Variants in YLPM1 observed in about 807,000 individuals in gnomAD.
The protein encoded by YLPM1 is YLP motif containing 1.
YLPM1 carries 99 observed loss-of-function variants against 230.0 expected under a neutral mutation model. The observed-to-expected ratio is 0.43, with a 90% CI of 0.37 to 0.51. YLPM1 has a LOEUF of 0.51. YLPM1 is among the 20% of genes least tolerant of loss of function. The probability of loss-of-function intolerance (pLI) is 0.00; values close to 1 mark genes in which losing one functional copy is unlikely to be tolerated. For synonymous variants in YLPM1, 984 were observed against 942.5 expected, an observed-to-expected ratio of 1.04 and a Z score of -0.81; for missense variants, 2,592 against 2,707.7, an observed-to-expected ratio of 0.96 and a Z score of 0.95.
chr14:74,804,908 A>G (rs2140118658), intron 6 of YLPM1, among the ~76,000 whole-genome samples: 1 of 152,280 alleles, frequency 6.6e-6, no homozygotes, highest in African/African-American at 2.4e-5. Flanking sequence ...AATTTATTGA[A>G]TTAATTCAAT....
Position 74,835,299 on chromosome 14 carries a change from C to T in YLPM1, c.6329C>T (p.Ala2110Val). 1 of 1,613,504 alleles carries T rather than the reference C, an allele frequency of 6.2e-7. No homozygotes were observed. Among genetic ancestry groups the T allele is most frequent in the Non-Finnish European group, 8.5e-7 (1 of 1,179,640 alleles). Residue 2110 changes from alanine to valine, a missense_variant, in exon 20 of 21, where the codon GCA becomes GTA. By Grantham distance (64) the Ala-to-Val change is moderately conservative. Around this residue, in one of 4 missense-constraint regions of YLPM1, gnomAD observed 315 missense variants for 429.3 expected, o/e 0.73. Transcript: ENST00000325680. Reference protein sequence around the residue: ...RWADLEEKKDADRKRAIGFVV... With the variant: ...RWADLEEKKDVDRKRAIGFVV... ...GCAGACCTGGAAGAGAAGAAGGATG[C>T]AGATAGGAAAAGGGCCATAGGTTTT...
chr14:74,816,479 T>A (rs1422675419), intron 12 of YLPM1, 92 bp from the exon 13 acceptor site: 1 of 1,450,956 alleles, frequency 6.9e-7, no homozygotes, highest in Non-Finnish European at 9.2e-7. Context: ...ACCAGAAGAT[T>A]GTATATTATT....
intron 4 of YLPM1, among the ~76,000 whole-genome samples, chr14:74,782,971 C>G (rs1288772235): frequency 6.6e-6 from 1 of 152,122 alleles, no homozygotes; most frequent in Admixed American, 6.6e-5. Flanking sequence ...AGTTTTTTCT[C>G]TTTACCTTCT....
intron 1 of YLPM1, among the ~76,000 whole-genome samples, chr14:74,765,919 T>G (rs916614352): frequency 6.6e-6 from 1 of 152,216 alleles, no homozygotes; most frequent in African/African-American, 2.4e-5. Flanking sequence ...ATAGACCAGA[T>G]CAAGAAGAGC....
Position 74,797,766 on chromosome 14 carries a change from C to T in YLPM1, c.2469C>T (p.Thr823=), listed in dbSNP as rs759728697. 2.5e-6 allele frequency: 4 copies of T among 1,613,718 alleles called. No individual in the cohort carries two copies. Among genetic ancestry groups the T allele is most frequent in the South Asian group, 2.2e-5 (2 of 91,068 alleles). The change falls in exon 5 of 21, where the codon ACC becomes ACT. Residue 823 remains threonine (T), a synonymous_variant. Coordinates refer to ENST00000325680, the MANE Select transcript of YLPM1 (RefSeq NM_019589.3). ...PRGPASQFYI[T]PSTSLSPRQS... ...GGCCAGCATCTCAATTTTATATTAC[C>T]CCCAGTACATCCCTAAGTCCTCGAC... is the stretch of plus-strand genomic sequence containing the variant.
Position 74,809,629 on chromosome 14 carries a change from C to G in YLPM1, c.4771C>G (p.Leu1591Val). The stretch of plus-strand genomic sequence containing the variant: ...CTGGGATACAAATGATGAACAAGGA[C>G]TGAATTCAGAATTTAAGTCAGAAAC... The part of the protein sequence containing the change: ...GLWDTNDEQG[L>V]NSEFKSETAA... Residue 1591 changes from leucine (L) to valine (V), a missense_variant, in exon 7 of 21, where the codon CTG (leucine) becomes GTG (valine). Physicochemically the swap from Leu to Val is conservative, Grantham distance 32. This residue lies in a region of YLPM1 where 403 missense variants were observed against 426.7 expected (regional missense o/e 0.94). Transcript: ENST00000325680. 1 of 1,614,026 alleles carries G rather than the reference C, an allele frequency of 6.2e-7. No individual in the cohort carries two copies. The highest frequency in any genetic ancestry group is 8.5e-7 in the Non-Finnish European group (1 of 1,179,894).
At chr14:74,785,334 G>A (rs894556308) in intron 4 of YLPM1, among the ~76,000 whole-genome samples, 2 of 152,072 alleles carry the variant, frequency 1.3e-5, no homozygotes, top group African/African-American at 4.8e-5. Flanking sequence ...GATAAGGATG[G>A]CTTTTTAATC....
rs1421243848 is a variant in YLPM1, at chr14:74,812,558, T to A, written c.5348-70T>A. ...GTTTGAATTATATTACCTTAGGATGTGTGGGGAGAGTTGAATTTCAAAATA... is the reference window on the plus strand; with the variant it reads ...GTTTGAATTATATTACCTTAGGATGAGTGGGGAGAGTTGAATTTCAAAATA... On this transcript the variant is annotated intron_variant, in intron 10 of 20. Transcript: ENST00000325680. The A allele has an allele frequency of 2.7e-6, 4 of 1,484,682 alleles. No homozygotes were observed. In the East Asian group the frequency reaches 7.3e-5, roughly 27 times the overall value. The allele number at this position is 1,484,682 out of a possible 1,614,324, so 92.0% of individuals were successfully genotyped here.
intron 4 of YLPM1, among the ~76,000 whole-genome samples, chr14:74,790,569 G>A (rs1468633652): frequency 6.6e-6 from 1 of 151,822 alleles, no homozygotes; most frequent in African/African-American, 2.4e-5. Flanking sequence ...TAATTCTAAG[G>A]TATTTATACC....
In YLPM1 at chr14:74,764,164, G is replaced by C. The variant is rs995665994; in HGVS notation, c.675G>C (p.Leu225Phe). Residue 225 changes from leucine (L) to phenylalanine (F), a missense_variant, in exon 1 of 21, where the codon TTG (leucine) becomes TTC (phenylalanine). Physicochemically the swap from Leu to Phe is conservative, Grantham distance 22. Coordinates refer to ENST00000325680, the MANE Select transcript of YLPM1 (RefSeq NM_019589.3). The stretch of plus-strand genomic sequence containing the variant: ...ATTTGAGCCATTCCCAGTCCTACTT[G>C]CCCTCTTCTCAGGCATCTCCTTCCC... ...QSYLSHSQSYLPSSQASPSRP... is the reference protein window; with the variant it reads ...QSYLSHSQSYFPSSQASPSRP... 1 of 1,612,694 alleles carries C rather than the reference G, an allele frequency of 6.2e-7. No homozygotes were observed. The highest frequency in any genetic ancestry group is 8.5e-7 in the Non-Finnish European group (1 of 1,179,654).
At chr14:74,835,479 T>G (rs2091636633) in intron 20 of YLPM1, 32 bp downstream of exon 20, 1 of 1,560,252 alleles carries the variant, frequency 6.4e-7, no homozygotes, top group African/African-American at 1.4e-5. Context: ...AATAGCCTAC[T>G]GTGTGGTTGC....
intron 20 of YLPM1, 80 bp downstream of exon 20, chr14:74,835,527 C>G: frequency 4.8e-6 from 6 of 1,253,552 alleles, no homozygotes; most frequent in Non-Finnish European, 5.5e-6. Context: ...GCATATTTTG[C>G]TAAAAATGCT....
Position 74,835,364 on chromosome 14 carries a change from A to G in YLPM1, c.6394A>G (p.Ser2132Gly). 1 of 1,613,774 alleles carries G rather than the reference A, an allele frequency of 6.2e-7. No individual in the cohort carries two copies. Among genetic ancestry groups the G allele is most frequent in the Non-Finnish European group, 8.5e-7 (1 of 1,179,724 alleles). The change falls in exon 20 of 21, where the codon AGT becomes GGT. Residue 2132 changes from serine (S) to glycine (G), a missense_variant. Physicochemically the swap from Ser to Gly is moderately conservative, Grantham distance 56. This residue lies in a region of YLPM1 where 315 missense variants were observed against 429.3 expected (regional missense o/e 0.73). Coordinates refer to ENST00000325680, the MANE Select transcript of YLPM1 (RefSeq NM_019589.3). ...TGATTGGGAGAAGATCACAGATGAA[A>G]GTGGTCACCTGGCTGAAAAAGCCCT... is the stretch of plus-strand genomic sequence containing the variant. ...QTDWEKITDE[S>G]GHLAEKALNR...
intron 4 of YLPM1, among the ~76,000 whole-genome samples, chr14:74,795,336 C>G (rs1303867836): frequency 1.3e-5 from 2 of 152,168 alleles, no homozygotes; most frequent in African/African-American, 2.4e-5. Context: ...ACTTTTAGAA[C>G]AACAAAGCCT....
intron 11 of YLPM1, 115 bp from the exon 12 acceptor site, chr14:74,816,088 C>A: frequency 2.4e-6 from 2 of 830,282 alleles, no homozygotes; most frequent in Non-Finnish European, 3.7e-6. Context: ...AGGTTTGTTT[C>A]ATGGCCTGTT....
In YLPM1 at chr14:74,791,403, A is replaced by G. The variant is rs1384588846; in HGVS notation, c.2283-6177A>G. 3.3e-5 allele frequency among the ~76,000 whole-genome samples: 5 copies of G among 152,254 alleles called. No individual in the cohort carries two copies. In the South Asian group the frequency reaches 6.2e-4, roughly 19 times the overall value. Reference sequence around the variant, plus strand: ...AAATGATGGGCCTTGGCTGTTGATCAGCAATTTGGTCTGAAAACAAAGCAC... The same window carrying G: ...AAATGATGGGCCTTGGCTGTTGATCGGCAATTTGGTCTGAAAACAAAGCAC... On this transcript the variant is annotated intron_variant, in intron 4 of 20. Coordinates refer to ENST00000325680, the MANE Select transcript of YLPM1 (RefSeq NM_019589.3).
Position 74,763,407 on chromosome 14 carries a change from T to C in YLPM1, c.-83T>C. On this transcript the variant is annotated 5_prime_UTR_variant, in exon 1 of 21. Coordinates refer to ENST00000325680, the MANE Select transcript of YLPM1 (RefSeq NM_019589.3). ...GCCTGTAGGCGCCGCGAGTTCCGGCTGTCGCCGTCGCCGCCGCGGCTCCTG... is the reference window on the plus strand; with the variant it reads ...GCCTGTAGGCGCCGCGAGTTCCGGCCGTCGCCGTCGCCGCCGCGGCTCCTG... 4 of 1,375,662 alleles carry C rather than the reference T, an allele frequency of 2.9e-6. No individual in the cohort carries two copies. Among genetic ancestry groups the C allele is most frequent in the Non-Finnish European group, 3.8e-6 (4 of 1,057,290 alleles). 85.2% of individuals were successfully genotyped at this position (1,375,662 alleles called of 1,614,324 possible).
chr14:74,830,741 G>A (rs1291236606), intron 19 of YLPM1, among the ~76,000 whole-genome samples: 4 of 152,154 alleles, frequency 2.6e-5, no homozygotes, highest in Non-Finnish European at 4.4e-5. Flanking sequence ...AGCATGTGAC[G>A]TGGCGAGAGA....
intron 15 of YLPM1, among the ~76,000 whole-genome samples, chr14:74,817,680 C>CT (rs909714798): frequency 6.6e-5 from 10 of 151,256 alleles, no homozygotes; most frequent in South Asian, 2.1e-4. Context: ...TGTTTATCTC[C>CT]TTTTTTTTTC....
Sources: allele counts gnomAD v4.1 joint callset (sites outside exome capture counted in the v4.1 genomes callset), GRCh38; gene constraint gnomAD v4.1.1; regional missense constraint gnomAD v4.1.1; transcripts MANE v1.5; gene names NCBI Gene and HGNC (gene_info 2026-07-23, HGNC 2026-07-21).